Variants in MSRA observed in about 807,000 individuals in gnomAD.
MSRA encodes the protein methionine sulfoxide reductase A.
MSRA carries 54 observed loss-of-function variants against 31.3 expected under a neutral mutation model. The observed-to-expected ratio is 1.73, with a 90% CI of 1.39 to 2.17. The LOEUF (loss-of-function observed/expected upper bound fraction) is 2.17, where lower values mean the gene tolerates loss of function less well. MSRA is among the 30% of genes most tolerant of loss of function. The pLI is 0.00. For synonymous variants in MSRA, 169 were observed against 116.5 expected, an observed-to-expected ratio of 1.45 and a Z score of -2.90; for missense variants, 507 against 300.9, an observed-to-expected ratio of 1.69 and a Z score of -5.07.
intron 1 of MSRA, among the ~76,000 whole-genome samples, chr8:10,176,090 C>G (rs73530998): frequency 6.6e-6 from 1 of 152,056 alleles, no homozygotes; most frequent in African/African-American, 2.4e-5. Context: ...AGAATAGGAC[C>G]TATTAGATCT....
chr8:10,407,699 C>A (rs1431183018), intron 5 of MSRA, among the ~76,000 whole-genome samples: 1 of 152,138 alleles, frequency 6.6e-6, no homozygotes, highest in East Asian at 1.9e-4. Context: ...GAAGAGAAGA[C>A]TCTGGATCCC....
chr8:10,319,892 A>C lies in MSRA; in HGVS notation c.446A>C (p.Gln149Pro). Reference sequence around the variant, plus strand: ...TTTTCTGCTTTCCTAGGTATGCGCCAGGGGAACGACCATGGCACTCAGTAC... The same window carrying C: ...TTTTCTGCTTTCCTAGGTATGCGCCCGGGGAACGACCATGGCACTCAGTAC... ...ENHDPTQGMR[Q>P]GNDHGTQYRS... Residue 149 changes from glutamine (Q) to proline (P), a missense_variant, in exon 5 of 6, where the codon CAG becomes CCG. Transcript: ENST00000317173. 1 of 1,550,640 alleles carries C rather than the reference A, an allele frequency of 6.4e-7. No homozygotes were observed. The highest frequency in any genetic ancestry group is 8.7e-7 in the Non-Finnish European group (1 of 1,146,956).
At chr8:10,263,357 T>C (rs1051325042) in intron 3 of MSRA, among the ~76,000 whole-genome samples, 7 of 152,184 alleles carry the variant, frequency 4.6e-5, no homozygotes, top group African/African-American at 1.7e-4. Flanking sequence ...CTCAGAGTGC[T>C]TCAGTGCTTA....
intron 5 of MSRA, among the ~76,000 whole-genome samples, chr8:10,364,787 G>A (rs1338517410): frequency 1.3e-5 from 2 of 152,196 alleles, no homozygotes; most frequent in East Asian, 3.9e-4. Flanking sequence ...TAATCCAAAT[G>A]CACAGTAGAT....
rs540883887 is a variant in MSRA, at chr8:10,397,003, C to T, written c.544-31145C>T. 2.6e-5 allele frequency among the ~76,000 whole-genome samples: 4 copies of T among 152,278 alleles called. No individual in the cohort carries two copies. The South Asian group carries it at 8.3e-4, about 32-fold the overall frequency. On this transcript the variant is annotated intron_variant, in intron 5 of 5. Coordinates refer to ENST00000317173, the MANE Select transcript of MSRA (RefSeq NM_012331.5). ...TACCAGACTCTATGCTTTTTTACTCCAGGAACCTGGATAAGGATTGTTCTC... is the reference window on the plus strand; with the variant it reads ...TACCAGACTCTATGCTTTTTTACTCTAGGAACCTGGATAAGGATTGTTCTC...
In MSRA at chr8:10,357,435, T is replaced by G. The variant is rs147711901; in HGVS notation, c.543+37446T>G. On this transcript the variant is annotated intron_variant, in intron 5 of 5. Transcript: ENST00000317173. ...ACCAATTAGGTCGTTTTCAATAATA[T>G]TATGAACTCATGGATTTACACACAT... 2.7e-4 allele frequency among the ~76,000 whole-genome samples: 41 copies of G among 152,356 alleles called. No homozygotes were observed. In the East Asian group the frequency reaches 6.6e-3, roughly 24 times the overall value.
intron 1 of MSRA, among the ~76,000 whole-genome samples, chr8:10,104,556 T>G (rs192882752): frequency 6.6e-6 from 1 of 152,262 alleles, no homozygotes. Flanking sequence ...TTGAAAGAAT[T>G]ATCCTCAATA....
At chr8:10,092,620 G>T (rs1310239190) in intron 1 of MSRA, among the ~76,000 whole-genome samples, 1 of 150,466 alleles carries the variant, frequency 6.6e-6, no homozygotes, top group East Asian at 1.9e-4. Context: ...ATTGTGCCTG[G>T]TGACGGAGTG....
intron 1 of MSRA, among the ~76,000 whole-genome samples, chr8:10,103,359 G>C (rs1799660409): frequency 6.6e-6 from 1 of 152,134 alleles, no homozygotes; most frequent in Admixed American, 6.6e-5. Flanking sequence ...ATGTAACTTT[G>C]GAATAATATA....
intron 1 of MSRA, among the ~76,000 whole-genome samples, chr8:10,094,031 C>G (rs1798994459): frequency 6.6e-6 from 1 of 152,178 alleles, no homozygotes; most frequent in Non-Finnish European, 1.5e-5. Flanking sequence ...ATGCTGCTTT[C>G]AAGATTCTCT....
intron 5 of MSRA, among the ~76,000 whole-genome samples, chr8:10,419,432 G>T (rs1043950057): frequency 6.6e-6 from 1 of 152,160 alleles, no homozygotes; most frequent in Non-Finnish European, 1.5e-5. Flanking sequence ...AGTAAGGTCT[G>T]TGAATTTAAG....
At chr8:10,134,691 G>A (rs1426460375) in intron 1 of MSRA, among the ~76,000 whole-genome samples, 1 of 152,224 alleles carries the variant, frequency 6.6e-6, no homozygotes, top group Non-Finnish European at 1.5e-5. Context: ...ACAGGAAACA[G>A]TCCGACTGCT....
At chr8:10,376,670 A>C (rs1220779341) in intron 5 of MSRA, among the ~76,000 whole-genome samples, 1 of 152,216 alleles carries the variant, frequency 6.6e-6, no homozygotes. Flanking sequence ...CCTATTTTTA[A>C]CTTTTTTGGA....
At chr8:10,313,650 C>T (rs913294112) in intron 4 of MSRA, among the ~76,000 whole-genome samples, 14 of 152,106 alleles carry the variant, frequency 9.2e-5, no homozygotes, top group African/African-American at 3.4e-4. Flanking sequence ...TTGTTGTTGT[C>T]GTCAGTGTTG....
intron 1 of MSRA, among the ~76,000 whole-genome samples, chr8:10,161,715 C>T (rs1804665751): frequency 6.6e-6 from 1 of 151,904 alleles, no homozygotes; most frequent in South Asian, 2.1e-4. Flanking sequence ...GAGCTGAAGC[C>T]AGGCTGACCT....
intron 1 of MSRA, among the ~76,000 whole-genome samples, chr8:10,089,023 A>G (rs1341545033): frequency 1.3e-5 from 2 of 152,194 alleles, no homozygotes; most frequent in East Asian, 1.9e-4. Flanking sequence ...AGATCAAAGG[A>G]TAAATAAAAA....
intron 3 of MSRA, among the ~76,000 whole-genome samples, chr8:10,278,276 C>T (rs1316069549): frequency 3.3e-5 from 5 of 152,260 alleles, no homozygotes; most frequent in African/African-American, 1.2e-4. Flanking sequence ...GCATAAATTC[C>T]TTTACAACAC....
Position 10,340,123 on chromosome 8 carries a change from G to A in MSRA, c.543+20134G>A, listed in dbSNP as rs1585522241. Among the ~76,000 whole-genome samples the A allele has an allele frequency of 2.6e-5, 4 of 152,214 alleles. No homozygotes were observed. In the South Asian group the frequency reaches 8.3e-4, roughly 32 times the overall value. ...GGGAAAGAGACGGCAAAGGAGAAGAGGCAGCCGCTTGAGACCACGGAGCCA... is the reference window on the plus strand; with the variant it reads ...GGGAAAGAGACGGCAAAGGAGAAGAAGCAGCCGCTTGAGACCACGGAGCCA... On this transcript the variant is annotated intron_variant, in intron 5 of 5. Coordinates refer to ENST00000317173, the MANE Select transcript of MSRA (RefSeq NM_012331.5).
chr8:10,201,310 A>G (rs547359672), intron 1 of MSRA, among the ~76,000 whole-genome samples: 104 of 152,184 alleles, frequency 6.8e-4, no homozygotes, highest in African/African-American at 2.0e-3. Flanking sequence ...ACATGACCCG[A>G]TGAGATTGTA....
Sources: gnomAD v4.1 joint callset for allele counts (sites outside exome capture counted in the v4.1 genomes callset) on GRCh38, gnomAD v4.1.1 for gene constraint, MANE v1.5 for transcripts, NCBI Gene and HGNC (gene_info 2026-07-23, HGNC 2026-07-21) for gene names.